LGR4: variants seen among roughly 807,000 people sequenced by gnomAD.
LGR4 encodes leucine-rich repeat-containing G protein-coupled receptor 4.
Under a neutral mutation model 84.8 loss-of-function variants are expected in LGR4, and 44 were observed. The ratio of observed to expected loss-of-function variants is 0.52; its 90% confidence interval spans 0.41 to 0.67. The LOEUF (loss-of-function observed/expected upper bound fraction) is 0.67. Ranked by LOEUF, LGR4 falls within the 30% of genes least tolerant of loss-of-function variation. LGR4 has a pLI of 0.00. For missense variants in LGR4, 1,032 were observed against 1,131.4 expected, an observed-to-expected ratio of 0.91 and a Z score of 1.26; for synonymous variants, 429 against 434.3, an observed-to-expected ratio of 0.99 and a Z score of 0.15.
In LGR4 at chr11:27,370,751, T is replaced by C. The variant is rs188267070; in HGVS notation, c.1579+864A>G. On this transcript the variant is annotated intron_variant, in intron 17 of 17. Coordinates refer to ENST00000379214, the MANE Select transcript of LGR4 (RefSeq NM_018490.5). ...CTTTAATAAACCTGTTCCCTTCTCA[T>C]TGGATCATCAGTTCTTTATGTACAT... is the stretch of plus-strand genomic sequence containing the variant. 8.3e-4 allele frequency among the ~76,000 whole-genome samples: 127 copies of C among 152,280 alleles called. 3 individuals are homozygous for C. The East Asian group carries it at 0.021, about 25-fold the overall frequency.
At chr11:27,386,954 G>A (rs565550303) in intron 4 of LGR4, among the ~76,000 whole-genome samples, 27 of 152,064 alleles carry the variant, frequency 1.8e-4, no homozygotes, top group Non-Finnish European at 3.7e-4. Flanking sequence ...GCTACAGAGC[G>A]GCAAAGTACT....
chr11:27,399,918 C>T (rs1269809133), intron 2 of LGR4, among the ~76,000 whole-genome samples: 1 of 152,134 alleles, frequency 6.6e-6, no homozygotes, highest in East Asian at 1.9e-4. Flanking sequence ...ACTATGTTGG[C>T]TCCTGTGAGA....
intron 2 of LGR4, among the ~76,000 whole-genome samples, chr11:27,409,143 G>A (rs1439351964): frequency 6.6e-6 from 1 of 152,144 alleles, no homozygotes; most frequent in African/African-American, 2.4e-5. Flanking sequence ...AGTATCTAAA[G>A]TACATTTCAC....
chr11:27,416,466 C>T (rs1216774505), intron 1 of LGR4, among the ~76,000 whole-genome samples: 3 of 152,182 alleles, frequency 2.0e-5, no homozygotes, highest in African/African-American at 4.8e-5. Context: ...TTATCATCAT[C>T]CATGTTTTCG....
At chr11:27,456,520 T>C (rs867075913) in intron 1 of LGR4, among the ~76,000 whole-genome samples, 13 of 152,210 alleles carry the variant, frequency 8.5e-5, no homozygotes, top group Admixed American at 3.9e-4. Flanking sequence ...CTGCACATTT[T>C]GCTTTTTAAT....
At chr11:27,455,806 A>T (rs1345829971) in intron 1 of LGR4, among the ~76,000 whole-genome samples, 1 of 152,212 alleles carries the variant, frequency 6.6e-6, no homozygotes, top group Non-Finnish European at 1.5e-5. Flanking sequence ...TAAAAGCAAG[A>T]TCCAACACCC....
At chr11:27,408,978 A>G (rs987956130) in intron 2 of LGR4, among the ~76,000 whole-genome samples, 2 of 152,114 alleles carry the variant, frequency 1.3e-5, no homozygotes, top group Admixed American at 1.3e-4. Context: ...TATATTCCCA[A>G]CAGGTGTTGG....
chr11:27,399,072 G>A (rs1863447056), intron 2 of LGR4, among the ~76,000 whole-genome samples: 1 of 151,898 alleles, frequency 6.6e-6, no homozygotes, highest in Non-Finnish European at 1.5e-5. Flanking sequence ...CACCACACTC[G>A]GCTAATTCTG....
intron 5 of LGR4, among the ~76,000 whole-genome samples, 192 bp from the exon 6 acceptor site, chr11:27,384,599 G>A (rs150039216): frequency 1.4e-3 from 208 of 152,252 alleles, no homozygotes; most frequent in African/African-American, 4.7e-3. Flanking sequence ...TATGTACACT[G>A]CACAGACTCA....
intron 1 of LGR4, among the ~76,000 whole-genome samples, chr11:27,427,065 G>C (rs548041607): frequency 3.3e-5 from 5 of 152,040 alleles, no homozygotes; most frequent in African/African-American, 1.2e-4. Flanking sequence ...AAGAAATGCA[G>C]GAAAAGTCTC....
In LGR4 at chr11:27,472,116, A is replaced by G; in HGVS notation, c.185+2T>C. On this transcript the variant is annotated splice_donor_variant, in intron 1 of 17. Coordinates refer to ENST00000379214, the MANE Select transcript of LGR4 (RefSeq NM_018490.5). LOFTEE classifies it high-confidence loss of function. ...CCTCGCGTCCCCGCCGCCCGCACTCACAGCGCTTGGGTGAAGGCGCTGAGC... is the reference window on the plus strand; with the variant it reads ...CCTCGCGTCCCCGCCGCCCGCACTCGCAGCGCTTGGGTGAAGGCGCTGAGC... 1 of 979,556 alleles carries G rather than the reference A, an allele frequency of 1.0e-6. No individual in the cohort carries two copies. Among genetic ancestry groups the G allele is most frequent in the Admixed American group, 6.3e-5 (1 of 15,994 alleles). 60.7% of individuals were successfully genotyped at this position (979,556 alleles called of 1,614,324 possible).
At chr11:27,455,947 A>C (rs1254493389) in intron 1 of LGR4, among the ~76,000 whole-genome samples, 1 of 152,220 alleles carries the variant, frequency 6.6e-6, no homozygotes, top group African/African-American at 2.4e-5. Flanking sequence ...AACACGTGTT[A>C]CGCACTTCAT....
intron 1 of LGR4, among the ~76,000 whole-genome samples, chr11:27,445,593 T>C (rs1411794561): frequency 6.6e-6 from 1 of 152,098 alleles, no homozygotes; most frequent in Non-Finnish European, 1.5e-5. Context: ...AGAAGTACAA[T>C]AGAGGCTGGT....
Position 27,380,309 on chromosome 11 carries a change from C to T in LGR4, c.933G>A (p.Gln311=). ...GGACAGTTCCTGTAAGATTGGGGAA[C>T]TGCTGCACCATGCTTGCACCACGAA... The part of the protein sequence containing the change: ...LVIRGASMVQ[Q]FPNLTGTVHL... Residue 311 remains glutamine, a synonymous_variant, in exon 10 of 18, where the codon CAG becomes CAA. Transcript: ENST00000379214. 6.2e-7 allele frequency: 1 copy of T among 1,611,862 alleles called. No individual in the cohort carries two copies. Among genetic ancestry groups the T allele is most frequent in the Non-Finnish European group, 8.5e-7 (1 of 1,178,868 alleles).
intron 6 of LGR4, 171 bp downstream of exon 6, chr11:27,384,165 T>A: frequency 1.9e-6 from 1 of 535,932 alleles, no homozygotes; most frequent in Non-Finnish European, 3.3e-6. Flanking sequence ...GCCATGGACT[T>A]AGATTAGTAT....
Position 27,472,198 on chromosome 11 carries a change from G to A in LGR4, c.105C>T (p.Cys35=). ...APPLCAAPCS[C]DGDRRVDCSG... ...AGCAGTCCACCCGACGGTCGCCGTC[G>A]CAGCTGCAGGGCGCCGCGCAGAGAG... Residue 35 remains cysteine, a synonymous_variant, in exon 1 of 18, where the codon TGC becomes TGT. Coordinates refer to ENST00000379214, the MANE Select transcript of LGR4 (RefSeq NM_018490.5). 1 of 1,393,480 alleles carries A rather than the reference G, an allele frequency of 7.2e-7. No homozygotes were observed. Among genetic ancestry groups the A allele is most frequent in the Non-Finnish European group, 9.3e-7 (1 of 1,072,460 alleles). 86.3% of individuals were successfully genotyped at this position (1,393,480 alleles called of 1,614,324 possible).
intron 1 of LGR4, among the ~76,000 whole-genome samples, chr11:27,449,984 C>T (rs1271958458): frequency 1.3e-5 from 2 of 152,184 alleles, no homozygotes; most frequent in Non-Finnish European, 2.9e-5. Context: ...CCTTGTTCAA[C>T]ATGGAAACTG....
chr11:27,385,937 A>G lies in LGR4; in HGVS notation c.402-469T>C, dbSNP rs1863179435. 2.0e-5 allele frequency among the ~76,000 whole-genome samples: 3 copies of G among 152,198 alleles called. No homozygotes were observed. In the South Asian group the frequency reaches 6.2e-4, roughly 32 times the overall value. ...ATTCTGTACCAAAGAGAAATATTAG[A>G]AAATACTTAAAATTTTTGTATAGCA... On this transcript the variant is annotated intron_variant, in intron 4 of 17. Coordinates refer to ENST00000379214, the MANE Select transcript of LGR4 (RefSeq NM_018490.5).
rs1590423594 is a variant in LGR4 at position 27,472,629 on chromosome 11, G to A, written c.-327C>T. 1 of 359,494 alleles carries A rather than the reference G, an allele frequency of 2.8e-6. No homozygotes were observed. Among genetic ancestry groups the A allele is most frequent in the East Asian group, 4.1e-5 (1 of 24,392 alleles). The allele number at this position is 359,494 out of a possible 1,614,324, so 22.3% of individuals were successfully genotyped here. On this transcript the variant is annotated 5_prime_UTR_variant, in exon 1 of 18. Coordinates refer to ENST00000379214, the MANE Select transcript of LGR4 (RefSeq NM_018490.5). ...GTCTCCCTGTCCCTGGCCTCTCAAT[G>A]CAGCGGCTCTTCAAGGTTGCAGAGC...
Sources: gnomAD v4.1 joint callset for allele counts (sites outside exome capture counted in the v4.1 genomes callset) on GRCh38, gnomAD v4.1.1 for gene constraint, MANE v1.5 for transcripts, NCBI Gene and HGNC (gene_info 2026-07-23, HGNC 2026-07-21) for gene names.